GDPD3: variants seen among roughly 807,000 people sequenced by gnomAD.
The protein encoded by GDPD3 is glycerophosphodiester phosphodiesterase domain containing 3, also known as lysophospholipase D GDPD3.
A neutral mutation model predicts 43.7 loss-of-function variants in GDPD3; 40 were observed. The ratio of observed to expected loss-of-function variants is 0.91; its 90% CI spans 0.71 to 1.19. GDPD3 has a LOEUF of 1.19. Among genes scored for constraint, GDPD3 ranks in the 50% most tolerant of loss-of-function variants. The probability of loss-of-function intolerance (pLI) is 0.00; values close to 1 mark genes in which losing one functional copy is unlikely to be tolerated. For missense variants in GDPD3, 363 were observed against 415.8 expected (o/e 0.87, Z 1.11); for synonymous variants, 145 against 162.9 (o/e 0.89, Z 0.84).
chr16:30,108,887 C>T lies in GDPD3; in HGVS notation c.708-455G>A, dbSNP rs533077092. 1.4e-4 allele frequency among the ~76,000 whole-genome samples: 21 copies of T among 151,566 alleles called. No homozygotes were observed. In the South Asian group the frequency reaches 2.3e-3, roughly 17 times the overall value. On this transcript the variant is annotated intron_variant, in intron 7 of 9. Coordinates refer to ENST00000406256, the MANE Select transcript of GDPD3 (RefSeq NM_024307.3). ...TGCTCTGTCGCCCAGGCTGGAGTGC[C>T]GTGGTGCGATCACAGCTCACTGCAA...
intron 9 of GDPD3, among the ~76,000 whole-genome samples, chr16:30,107,093 G>A (rs891850260): frequency 1.3e-5 from 2 of 149,104 alleles, no homozygotes; most frequent in East Asian, 2.0e-4. Flanking sequence ...TGGCTCTCAC[G>A]CTCTTTCCTC....
intron 9 of GDPD3, among the ~76,000 whole-genome samples, chr16:30,106,738 G>A (rs2072863465): frequency 1.3e-5 from 2 of 151,990 alleles, no homozygotes; most frequent in Non-Finnish European, 2.9e-5. Context: ...AGACAGTCTT[G>A]CTCTGTCGCC....
At position 30,111,504 on chromosome 16, in the gene GDPD3, C is replaced by CA. The variant is rs751750694; in HGVS notation, c.590dup (p.Ser198ValfsTer26). The CA allele has an allele frequency of 6.2e-7, 1 of 1,613,930 alleles. No individual in the cohort carries two copies. On this transcript the variant is annotated frameshift_variant, in exon 7 of 10. Transcript: ENST00000406256. LOFTEE classifies it high-confidence loss of function. ...AGAATCCTCGGCTTATTGTGAAGGACAGGGGCATCTCGGGGTTCTGGGGAG... is the reference window on the plus strand; with the variant it reads ...AGAATCCTCGGCTTATTGTGAAGGACAAGGGGCATCTCGGGGTTCTGGGGAG...
rs370961944 is a variant in GDPD3 at position 30,113,405 on chromosome 16, C to T, written c.74G>A (p.Arg25Gln). 1.2e-4 allele frequency: 186 copies of T among 1,612,368 alleles called. No homozygotes were observed. Among genetic ancestry groups the T allele is most frequent in the Middle Eastern group, 1.7e-4 (1 of 6,050 alleles). The change falls in exon 1 of 10, where the codon CGG becomes CAG. Residue 25 changes from arginine (R) to glutamine (Q), a missense_variant. Coordinates refer to ENST00000406256, the MANE Select transcript of GDPD3 (RefSeq NM_024307.3). The surrounding 1 kb of genome is among the most constrained non-coding windows in gnomAD (Gnocchi z 5.9). ...CCTGGGCGTGTGCAGCAGATGAGGCCGGCGCAGGAAGAAGATGGAGAGCAT... is the reference window on the plus strand; with the variant it reads ...CCTGGGCGTGTGCAGCAGATGAGGCTGGCGCAGGAAGAAGATGGAGAGCAT... The part of the protein sequence containing the change: ...YAMLSIFFLR[R>Q]PHLLHTPRAP...
At chr16:30,105,193 G>A (rs940797265) in intron 9 of GDPD3, among the ~76,000 whole-genome samples, 184 bp from the exon 10 acceptor site, 3 of 152,178 alleles carry the variant, frequency 2.0e-5, no homozygotes, top group South Asian at 2.1e-4. Context: ...CATAGCCTGG[G>A]TGCAGTGGCT....
intron 9 of GDPD3, 140 bp from the exon 10 acceptor site, chr16:30,105,149 G>A (rs1248453047): frequency 1.4e-6 from 1 of 714,274 alleles, no homozygotes; most frequent in African/African-American, 1.8e-5. Flanking sequence ...TTTGCAAAGT[G>A]GTTATTAAAC....
At chr16:30,107,398 C>T (rs950786903) in intron 9 of GDPD3, among the ~76,000 whole-genome samples, 1 of 144,752 alleles carries the variant, frequency 6.9e-6, no homozygotes, top group African/African-American at 2.5e-5. Context: ...GGGAGCCGTG[C>T]CCAGCCTCTG....
Position 30,111,226 on chromosome 16 carries a change from A to C in GDPD3, c.707+162T>G, listed in dbSNP as rs2072896288. 3.9e-6 allele frequency: 3 copies of C among 764,122 alleles called. No homozygotes were observed. The East Asian group carries it at 7.7e-5, about 20-fold the overall frequency. The allele number at this position is 764,122 out of a possible 1,614,324, so 47.3% of individuals were successfully genotyped here. A position where few individuals can be genotyped will look rare whatever the true frequency, so the allele number is the denominator to read the frequency against. On this transcript the variant is annotated intron_variant, in intron 7 of 9. Transcript: ENST00000406256. ...ATGCACAGAATTTCAGGGTGTTCAC[A>C]GTTCCCTTAGTATTCATGAATGCTG...
chr16:30,106,554 C>T (rs964477435), intron 9 of GDPD3, among the ~76,000 whole-genome samples: 16 of 152,040 alleles, frequency 1.1e-4, no homozygotes, highest in South Asian at 2.1e-4. Flanking sequence ...ACAGATGAGA[C>T]GAGGTCTCTC....
rs1033139686 is a variant in GDPD3, at chr16:30,106,869, C to T, written c.819+1344G>A. ...GATTACAGGCATGCGCCACCATACC[C>T]GGATAATGTTTACATTTTTAGTAGA... On this transcript the variant is annotated intron_variant, in intron 9 of 9. Transcript: ENST00000406256. Among the ~76,000 whole-genome samples, 9 of 152,050 alleles carry T rather than the reference C, an allele frequency of 5.9e-5. 1 individual carries two copies. Among genetic ancestry groups the T allele is most frequent in the Admixed American group, 4.6e-4 (7 of 15,256 alleles).
intron 6 of GDPD3, 25 bp from the exon 7 acceptor site, chr16:30,111,546 G>A: frequency 2.5e-6 from 4 of 1,612,714 alleles, no homozygotes; most frequent in Non-Finnish European, 3.4e-6. Context: ...AGAGGCATGA[G>A]AATCTGTCTG....
chr16:30,111,841 G>A (rs997021129), intron 6 of GDPD3: 2 of 538,904 alleles, frequency 3.7e-6, no homozygotes, highest in Non-Finnish European at 6.6e-6. Context: ...GCTGAAGCAT[G>A]AGAATCGCTT....
intron 7 of GDPD3, among the ~76,000 whole-genome samples, chr16:30,109,533 G>A (rs555130503): frequency 1.3e-4 from 19 of 151,524 alleles, no homozygotes; most frequent in South Asian, 4.2e-4. Context: ...ATGGCCGGGC[G>A]CGGTGGTTCA....
At chr16:30,111,598 G>A (rs1472275165) in intron 6 of GDPD3, 77 bp from the exon 7 acceptor site, 178 of 1,515,398 alleles carry the variant, frequency 1.2e-4, no homozygotes, top group East Asian at 1.0e-3. Flanking sequence ...CAGGGGAGCC[G>A]TGGTGGGCAT....
In GDPD3 at chr16:30,112,633, G is replaced by C. The variant is rs375857248; in HGVS notation, c.318+25C>G. 6.2e-7 allele frequency: 1 copy of C among 1,613,880 alleles called. No homozygotes were observed. The highest frequency in any genetic ancestry group is 8.5e-7 in the Non-Finnish European group (1 of 1,179,940). On this transcript the variant is annotated intron_variant, in intron 3 of 9. Transcript: ENST00000406256. The surrounding 1 kb of genome is among the most constrained non-coding windows in gnomAD (Gnocchi z 5.4). ...GGGCATGGTGACTCTCAGGGTGGGG[G>C]TTGGGGTGTCAGGGCAGGGCCCACC...
In GDPD3 at chr16:30,112,263, C is replaced by G; in HGVS notation, c.484-42G>C. The G allele has an allele frequency of 6.2e-7, 1 of 1,613,370 alleles. No homozygotes were observed. The highest frequency in any genetic ancestry group is 8.5e-7 in the Non-Finnish European group (1 of 1,179,260). ...GAGGTGAAGGGAGAGCCAGGCCTCT[C>G]TCACGCCCCCGGTGGCCGCCCTAGC... On this transcript the variant is annotated intron_variant, in intron 5 of 9. Transcript: ENST00000406256. The surrounding 1 kb of genome is among the most constrained non-coding windows in gnomAD (Gnocchi z 5.4).
chr16:30,107,995 A>ACACACG, intron 9 of GDPD3: 1 of 399,526 alleles, frequency 2.5e-6, no homozygotes, highest in South Asian at 4.0e-5. Flanking sequence ...TGACACACAC[A>ACACACG]CACACACACA....
chr16:30,108,476 T>C lies in GDPD3; in HGVS notation c.708-44A>G, dbSNP rs772592660. ...GGGGGTTAGCTCCTAGGGTCTCCCC[T>C]GTCCCAGAGGTGGGGTGGGCTGGTA... On this transcript the variant is annotated intron_variant, in intron 7 of 9. Transcript: ENST00000406256. The C allele has an allele frequency of 3.8e-6, 6 of 1,589,584 alleles. No individual in the cohort carries two copies. The African/African-American group carries it at 8.1e-5, about 21-fold the overall frequency.
chr16:30,106,161 TAATA>T (rs775907204), intron 9 of GDPD3, among the ~76,000 whole-genome samples: 22 of 152,048 alleles, frequency 1.4e-4, no homozygotes, highest in African/African-American at 1.9e-4. Context: ...AAAAATCCAG[TAATA>T]AATATTCAAA....
Sources: gnomAD v4.1 joint callset for allele counts (sites outside exome capture counted in the v4.1 genomes callset) on GRCh38, gnomAD v4.1.1 for gene constraint, Gnocchi (gnomAD v3.1) non-coding constraint, MANE v1.5 for transcripts, NCBI Gene and HGNC (gene_info 2026-07-23, HGNC 2026-07-21) for gene names.